The following PTBP2 variants were observed in gnomAD, a reference collection of about 807,000 sequenced individuals.
PTBP2 encodes polypyrimidine tract binding protein 2, also known as polypyrimidine tract-binding protein 2.
In PTBP2, 13 loss-of-function variants were observed where a neutral mutation model predicts 61.4. That is an observed-to-expected ratio of 0.21 (90% confidence interval 0.14 to 0.34). The LOEUF is 0.34. Among genes scored for constraint, PTBP2 ranks in the 10% least tolerant of loss-of-function variants. The pLI is 1.00. For missense variants in PTBP2, 405 were observed against 642.6 expected (o/e 0.63, Z 4.00); for synonymous variants, 215 against 218.5 (o/e 0.98, Z 0.14).
In PTBP2 at chr1:96,785,228, C is replaced by T. The variant is rs749899007; in HGVS notation, c.878C>T (p.Ala293Val). 1.3e-6 allele frequency: 2 copies of T among 1,596,222 alleles called. No homozygotes were observed. Among genetic ancestry groups the T allele is most frequent in the Non-Finnish European group, 8.5e-7 (1 of 1,173,594 alleles). ...GCATTGGACCCAGCTATTGCTGCAGCATTTGCCAAGGAGACATCCCTCTTA... is the reference window on the plus strand; with the variant it reads ...GCATTGGACCCAGCTATTGCTGCAGTATTTGCCAAGGAGACATCCCTCTTA... ...QPALDPAIAA[A>V]FAKETSLLAV... Residue 293 changes from alanine to valine, a missense_variant, in exon 8 of 14, where the codon GCA becomes GTA. Physicochemically the swap from Ala to Val is moderately conservative, Grantham distance 64. Around this residue, in one of 4 missense-constraint regions of PTBP2, gnomAD observed 342 missense variants for 491.2 expected, o/e 0.70. Coordinates refer to ENST00000674951, the MANE Select transcript of PTBP2 (RefSeq NM_021190.4).
intron 8 of PTBP2, among the ~76,000 whole-genome samples, chr1:96,799,365 G>A (rs938623472): frequency 1.9e-4 from 26 of 135,120 alleles, no homozygotes; most frequent in Admixed American, 5.9e-4. Flanking sequence ...GTGCGATCTC[G>A]GCTCACTGCA....
chr1:96,819,994 G>A (rs2101317061), downstream of PTBP2: 1 of 151,970 alleles, frequency 6.6e-6, no homozygotes, highest in East Asian at 1.9e-4. Flanking sequence ...TTTGCCCTAA[G>A]TTTGGAGTTT....
At chr1:96,786,994 T>A (rs561244139) in intron 8 of PTBP2, among the ~76,000 whole-genome samples, 1 of 152,266 alleles carries the variant, frequency 6.6e-6, no homozygotes, top group Admixed American at 6.5e-5. Flanking sequence ...CTTATGACCT[T>A]GCTGAAACTT....
chr1:96,786,996 C>T (rs182256319), intron 8 of PTBP2, among the ~76,000 whole-genome samples: 1 of 152,224 alleles, frequency 6.6e-6, no homozygotes, highest in East Asian at 1.9e-4. Context: ...TATGACCTTG[C>T]TGAAACTTTT....
rs75963976 is a variant in PTBP2, at chr1:96,753,225, G to A, written c.115+1725G>A. On this transcript the variant is annotated intron_variant, in intron 3 of 13. Coordinates refer to ENST00000674951, the MANE Select transcript of PTBP2 (RefSeq NM_021190.4). ...CTGGGGCTAAATGGTGATTCCATAG[G>A]TTGCACGGTACTCTGAAACATTGGA... 9.1e-3 allele frequency among the ~76,000 whole-genome samples: 1,379 copies of A among 152,212 alleles called. 45 individuals carry two copies. In the East Asian group the frequency reaches 0.093, roughly 10 times the overall value.
chr1:96,796,503 A>G (rs1660403890), intron 8 of PTBP2, among the ~76,000 whole-genome samples: 1 of 152,162 alleles, frequency 6.6e-6, no homozygotes, highest in African/African-American at 2.4e-5. Context: ...ACAAGTTGAA[A>G]GTAGGAAAGT....
At chr1:96,740,545 A>G (rs1280729701) in intron 2 of PTBP2, among the ~76,000 whole-genome samples, 1 of 152,148 alleles carries the variant, frequency 6.6e-6, no homozygotes. Flanking sequence ...TTTTGGGGAA[A>G]CATAAGCATT....
At chr1:96,816,179 A>G (rs1662473486), downstream of PTBP2, 1 of 152,190 alleles carries the variant, frequency 6.6e-6, no homozygotes, top group African/African-American at 2.4e-5. Context: ...AGCAGATTCT[A>G]TACTGTCTTA....
chr1:96,812,568 GTC>G lies in PTBP2; in HGVS notation c.1172-142_1172-141del, dbSNP rs997848335. 6.0e-5 allele frequency: 41 copies of G among 687,820 alleles called. No individual in the cohort carries two copies. The African/African-American group carries it at 7.4e-4, about 12-fold the overall frequency. 42.6% of individuals were successfully genotyped at this position (687,820 alleles called of 1,614,324 possible). A position where few individuals can be genotyped will look rare whatever the true frequency, so the allele number is the denominator to read the frequency against. On this transcript the variant is annotated intron_variant, in intron 11 of 13. Transcript: ENST00000674951. ...CTAGTTCAAATGAAAATGTACTTAA[GTC>G]TTATCACCAGTGGCTATGGTAAATT...
At chr1:96,763,932 G>GAAAAATAC (rs886801030) in intron 3 of PTBP2, among the ~76,000 whole-genome samples, 9 of 152,110 alleles carry the variant, frequency 5.9e-5, no homozygotes, top group African/African-American at 2.2e-4. Flanking sequence ...TATTTGCCTG[G>GAAAAATAC]AAAAATACTC....
chr1:96,724,924 GT>G (rs1650180773), intron 2 of PTBP2, among the ~76,000 whole-genome samples: 1 of 152,102 alleles, frequency 6.6e-6, no homozygotes, highest in Non-Finnish European at 1.5e-5. Flanking sequence ...ATGGTACTGT[GT>G]TTTCTTGCTT....
Position 96,813,661 on chromosome 1 carries a change from CTTTTTTTTTTT to C in PTBP2, c.*267_*277del, listed in dbSNP as rs66475516. ...TGTTTAAAATTTCAGTTTAATTTTG[CTTTTTTTTTTT>C]TTTTTTTTTTCCTTTCAACTTAGTT... On this transcript the variant is annotated 3_prime_UTR_variant, in exon 14 of 14. Transcript: ENST00000674951. 4.1e-5 allele frequency: 5 copies of C among 122,334 alleles called. No homozygotes were observed. The highest frequency in any genetic ancestry group is 9.5e-5 in the Admixed American group (1 of 10,540). 7.6% of individuals were successfully genotyped at this position (122,334 alleles called of 1,614,324 possible). A position where few individuals can be genotyped will look rare whatever the true frequency, so the allele number is the denominator to read the frequency against.
intron 8 of PTBP2, among the ~76,000 whole-genome samples, chr1:96,791,023 A>G (rs987022841): frequency 3.3e-5 from 5 of 152,152 alleles, no homozygotes; most frequent in African/African-American, 1.2e-4. Context: ...TGTGAAAAAA[A>G]AAAACCATCC....
intron 2 of PTBP2, among the ~76,000 whole-genome samples, chr1:96,747,033 C>A (rs1419094255): frequency 2.0e-5 from 3 of 151,344 alleles, no homozygotes; most frequent in Admixed American, 2.0e-4. Context: ...GTGATCCTGT[C>A]AGCCAGAGAG....
At chr1:96,776,350 G>A (rs1043132246) in intron 5 of PTBP2, among the ~76,000 whole-genome samples, 1 of 146,672 alleles carries the variant, frequency 6.8e-6, no homozygotes, top group African/African-American at 2.6e-5. Flanking sequence ...GTATCAAGAT[G>A]TCTACTAAAA....
At chr1:96,744,012 G>A (rs996338043) in intron 2 of PTBP2, among the ~76,000 whole-genome samples, 1 of 152,068 alleles carries the variant, frequency 6.6e-6, no homozygotes, top group Non-Finnish European at 1.5e-5. Flanking sequence ...AAAATGTGGT[G>A]AAACCCCGTC....
intron 3 of PTBP2, among the ~76,000 whole-genome samples, chr1:96,769,183 T>G (rs897245829): frequency 3.3e-5 from 5 of 152,086 alleles, no homozygotes; most frequent in African/African-American, 1.2e-4. Context: ...ATATGGTATA[T>G]GTAGCCTTTT....
chr1:96,764,909 C>T (rs1307388180), intron 3 of PTBP2, among the ~76,000 whole-genome samples: 1 of 152,176 alleles, frequency 6.6e-6, no homozygotes, highest in East Asian at 1.9e-4. Flanking sequence ...AACTACACCA[C>T]ACAACTACTT....
In PTBP2 at chr1:96,751,523, T is replaced by C. The variant is rs766820872; in HGVS notation, c.115+23T>C. ...CAGGTAAGTGTTACTCTCTTAGCAG[T>C]CTGTCATTTGCCATTTTAGGGGGCA... On this transcript the variant is annotated intron_variant, in intron 3 of 13. Coordinates refer to ENST00000674951, the MANE Select transcript of PTBP2 (RefSeq NM_021190.4). The C allele has an allele frequency of 1.9e-6, 3 of 1,575,150 alleles. No individual in the cohort carries two copies. In the Admixed American group the frequency reaches 5.2e-5, roughly 27 times the overall value.
Sources: allele counts gnomAD v4.1 joint callset (sites outside exome capture counted in the v4.1 genomes callset), GRCh38; gene constraint gnomAD v4.1.1; regional missense constraint gnomAD v4.1.1; transcripts MANE v1.5; gene names NCBI Gene and HGNC (gene_info 2026-07-23, HGNC 2026-07-21).